Variants in PRKN observed in about 807,000 individuals in gnomAD.
PRKN encodes the protein parkin RBR E3 ubiquitin protein ligase, also known as E3 ubiquitin-protein ligase parkin.
In PRKN, 56 loss-of-function variants were observed where a neutral mutation model predicts 59.5. The ratio of observed to expected loss-of-function variants is 0.94; its 90% confidence interval spans 0.76 to 1.18. The LOEUF (loss-of-function observed/expected upper bound fraction) is 1.18. Among genes scored for constraint, PRKN ranks in the 50% most tolerant of loss-of-function variants. The pLI is 0.00. For synonymous variants in PRKN, 250 were observed against 222.1 expected, an observed-to-expected ratio of 1.13 and a Z score of -1.12; for missense variants, 657 against 596.4, an observed-to-expected ratio of 1.10 and a Z score of -1.06.
At chr6:162,526,517 G>A (rs772177362) in intron 1 of PRKN, among the ~76,000 whole-genome samples, 12 of 151,802 alleles carry the variant, frequency 7.9e-5, no homozygotes, top group Non-Finnish European at 1.5e-4. Flanking sequence ...GGGCCTGGTG[G>A]CGCATGCCTG....
chr6:162,454,195 T>C (rs1790755868), intron 1 of PRKN, among the ~76,000 whole-genome samples: 1 of 152,226 alleles, frequency 6.6e-6, no homozygotes, highest in Non-Finnish European at 1.5e-5. Flanking sequence ...GTCCAACATA[T>C]AGTGTAAAAA....
intron 4 of PRKN, among the ~76,000 whole-genome samples, chr6:162,105,163 T>C (rs867660279): frequency 1.3e-5 from 2 of 152,136 alleles, no homozygotes; most frequent in African/African-American, 4.8e-5. Flanking sequence ...TAAACGGGGA[T>C]AGAAAATCTG....
chr6:161,558,410 A>G lies in PRKN; in HGVS notation c.934-9407T>C, dbSNP rs183745776. Among the ~76,000 whole-genome samples the G allele has an allele frequency of 3.8e-3, 572 of 151,994 alleles. 7 individuals carry two copies. Among genetic ancestry groups the G allele is most frequent in the African/African-American group, 0.013 (545 of 41,362 alleles). On this transcript the variant is annotated intron_variant, in intron 8 of 11. Coordinates refer to ENST00000366898, the MANE Select transcript of PRKN (RefSeq NM_004562.3). ...GACCCCATTTCGACAAAAAATTAAA[A>G]AAAAATTACCTGGGCATGGTGGCAT...
chr6:162,579,505 TCACA>T (rs764195247), intron 1 of PRKN, among the ~76,000 whole-genome samples: 1 of 149,266 alleles, frequency 6.7e-6, no homozygotes, highest in Non-Finnish European at 1.5e-5. Flanking sequence ...CACACAAAGT[TCACA>T]CACACAGATT....
At chr6:162,123,615 T>C (rs773817645) in intron 4 of PRKN, among the ~76,000 whole-genome samples, 9 of 152,180 alleles carry the variant, frequency 5.9e-5, no homozygotes, top group Non-Finnish European at 1.0e-4. Flanking sequence ...AAGGATAGTA[T>C]GATGGTTGGA....
At chr6:162,272,916 G>A (rs767835089) in intron 2 of PRKN, among the ~76,000 whole-genome samples, 1 of 147,294 alleles carries the variant, frequency 6.8e-6, no homozygotes, top group Non-Finnish European at 1.5e-5. Context: ...CAGGATACTC[G>A]TTTGAGCCGG....
rs118127020 is a variant in PRKN at position 162,288,319 on chromosome 6, G to A, written c.172-25554C>T. Among the ~76,000 whole-genome samples, 234 of 152,260 alleles carry A rather than the reference G, an allele frequency of 1.5e-3. 5 individuals carry two copies. The East Asian group carries it at 0.024, about 16-fold the overall frequency. ...TTGAGTGTCTCACTCCCTGATCTGT[G>A]TATCTGCCTTCTATGAGCAGCATCT... On this transcript the variant is annotated intron_variant, in intron 2 of 11. Coordinates refer to ENST00000366898, the MANE Select transcript of PRKN (RefSeq NM_004562.3).
At chr6:161,572,222 C>T (rs1780917665) in intron 7 of PRKN, among the ~76,000 whole-genome samples, 1 of 152,090 alleles carries the variant, frequency 6.6e-6, no homozygotes, top group Non-Finnish European at 1.5e-5. Flanking sequence ...ATGTAAAATG[C>T]TGGAACATAG....
intron 1 of PRKN, among the ~76,000 whole-genome samples, chr6:162,706,731 G>A (rs1422474672): frequency 2.0e-5 from 3 of 152,090 alleles, no homozygotes; most frequent in African/African-American, 7.2e-5. Flanking sequence ...ACACACACAT[G>A]AGCACTCAAT....
At chr6:162,126,208 C>G (rs979267805) in intron 4 of PRKN, among the ~76,000 whole-genome samples, 1 of 152,132 alleles carries the variant, frequency 6.6e-6, no homozygotes, top group Non-Finnish European at 1.5e-5. Context: ...AAGACCGAGA[C>G]ACAGAGTTCT....
intron 2 of PRKN, among the ~76,000 whole-genome samples, chr6:162,437,626 T>C (rs1219851384): frequency 6.6e-6 from 1 of 152,192 alleles, no homozygotes; most frequent in Non-Finnish European, 1.5e-5. Flanking sequence ...GAATCTGCCC[T>C]CCATTTCTAT....
In PRKN at chr6:161,388,064, C is replaced by A. The variant is rs1786346245; in HGVS notation, c.1084-1187G>T. Reference sequence around the variant, plus strand: ...ATGGACCTCTCCTGAAAGCACGTCCCATTCTCATCGCCACCAGCCATGCTC... The same window carrying A: ...ATGGACCTCTCCTGAAAGCACGTCCAATTCTCATCGCCACCAGCCATGCTC... On this transcript the variant is annotated intron_variant, in intron 9 of 11. Transcript: ENST00000366898. The surrounding 1 kb of genome is among the most constrained non-coding windows in gnomAD (Gnocchi z 4.3). Among the ~76,000 whole-genome samples the A allele has an allele frequency of 6.6e-6, 1 of 152,196 alleles. No individual in the cohort carries two copies. Among genetic ancestry groups the A allele is most frequent in the Non-Finnish European group, 1.5e-5 (1 of 68,034 alleles).
intron 1 of PRKN, among the ~76,000 whole-genome samples, chr6:162,506,112 A>G (rs916224399): frequency 6.6e-6 from 1 of 152,130 alleles, no homozygotes; most frequent in East Asian, 1.9e-4. Flanking sequence ...GTGCAGCTAT[A>G]TGGAATGAAA....
rs145053153 is a variant in PRKN, at chr6:162,459,770, AAGT to A, written c.8-16300_8-16298del. On this transcript the variant is annotated intron_variant, in intron 1 of 11. Coordinates refer to ENST00000366898, the MANE Select transcript of PRKN (RefSeq NM_004562.3). ...TAAATGTTAGCAGCTACTAAATAAAAAGTAGCCGCATTTTCAAAAATGATTCGG... is the reference window on the plus strand; with the variant it reads ...TAAATGTTAGCAGCTACTAAATAAAAAGCCGCATTTTCAAAAATGATTCGG... Among the ~76,000 whole-genome samples the A allele has an allele frequency of 1.1e-4, 17 of 152,318 alleles. No homozygotes were observed. The East Asian group carries it at 1.4e-3, about 12-fold the overall frequency.
intron 6 of PRKN, among the ~76,000 whole-genome samples, chr6:161,873,979 A>AATATATATGTAAAATATAATATATAAAAT (rs1794462826): frequency 1.9e-5 from 1 of 52,134 alleles, no homozygotes; most frequent in East Asian, 2.6e-4. Context: ...TAATATATAA[A>AATATATATGTAAAATATAATATATAAAAT]ATATATATGT....
intron 8 of PRKN, among the ~76,000 whole-genome samples, chr6:161,557,811 A>G (rs1266581847): frequency 1.3e-5 from 2 of 152,216 alleles, no homozygotes; most frequent in Non-Finnish European, 2.9e-5. Context: ...GCCCCCTTTC[A>G]GGTCCTCCAA....
Position 161,975,085 on chromosome 6 carries a change from CTT to C in PRKN, c.619-1670_619-1669del, listed in dbSNP as rs769121865. ...ATTAGGATAGGCATGACATATACTT[CTT>C]TTTTTTTTTTTTTTTTTTTTGAGAC... On this transcript the variant is annotated intron_variant, in intron 5 of 11. Transcript: ENST00000366898. Among the ~76,000 whole-genome samples, 502 of 124,432 alleles carry C rather than the reference CTT, an allele frequency of 4.0e-3. 3 individuals are homozygous for C. Among genetic ancestry groups the C allele is most frequent in the African/African-American group, 0.015 (476 of 32,230 alleles). The allele number at this position is 124,432 out of a possible 152,430, so 81.6% of individuals were successfully genotyped here.
chr6:162,277,287 C>G (rs1404886225), intron 2 of PRKN, among the ~76,000 whole-genome samples: 1 of 152,174 alleles, frequency 6.6e-6, no homozygotes, highest in African/African-American at 2.4e-5. Context: ...GCAGGCATCA[C>G]TGTAACTAAG....
chr6:161,916,558 G>T (rs990807140), intron 6 of PRKN, among the ~76,000 whole-genome samples: 2 of 152,172 alleles, frequency 1.3e-5, no homozygotes, highest in Non-Finnish European at 2.9e-5. Flanking sequence ...CTGTTATGAG[G>T]CTACTGCAAT....
Sources: allele counts gnomAD v4.1 joint callset (sites outside exome capture counted in the v4.1 genomes callset), GRCh38; gene constraint gnomAD v4.1.1; non-coding constraint Gnocchi (gnomAD v3.1); transcripts MANE v1.5; gene names NCBI Gene and HGNC (gene_info 2026-07-23, HGNC 2026-07-21).